CUBN: variants seen among roughly 807,000 people sequenced by gnomAD.
CUBN encodes the protein cubilin, also known as 460 kDa receptor.
A neutral mutation model predicts 405.3 loss-of-function variants in CUBN; 282 were observed. The observed-to-expected ratio is 0.70, with a 90% CI of 0.63 to 0.77. CUBN has a LOEUF of 0.77. Among genes scored for constraint, CUBN ranks in the 30% least tolerant of loss-of-function variants. CUBN has a pLI of 0.00. For missense variants in CUBN, 4,514 were observed against 4,475.2 expected, an observed-to-expected ratio of 1.01 and a Z score of -0.25; for synonymous variants, 1,684 against 1,617.0, an observed-to-expected ratio of 1.04 and a Z score of -0.99.
At chr10:16,902,777 G>A (rs1435252886) in intron 51 of CUBN, among the ~76,000 whole-genome samples, 1 of 152,198 alleles carries the variant, frequency 6.6e-6, no homozygotes, top group East Asian at 1.9e-4. Context: ...AAGTGAAAGA[G>A]TGAAGTCTGA....
chr10:17,111,945 T>C (rs1836780832), intron 8 of CUBN, among the ~76,000 whole-genome samples: 1 of 152,188 alleles, frequency 6.6e-6, no homozygotes. Context: ...TAAAATCATA[T>C]GGAGGATTGG....
intron 28 of CUBN, among the ~76,000 whole-genome samples, chr10:17,007,839 T>C (rs1239370958): frequency 2.6e-5 from 4 of 152,140 alleles, no homozygotes; most frequent in Non-Finnish European, 5.9e-5. Flanking sequence ...TCTGATATGT[T>C]ACACACACTC....
At chr10:16,890,614 C>T in intron 54 of CUBN, 87 bp from the exon 55 acceptor site, 1 of 1,256,530 alleles carries the variant, frequency 8.0e-7, no homozygotes, top group South Asian at 1.2e-5. Flanking sequence ...ATGGCACTCA[C>T]ACGTATACAG....
intron 56 of CUBN, among the ~76,000 whole-genome samples, chr10:16,885,602 T>C (rs77176023): frequency 0.025 from 3,821 of 151,072 alleles, 66 homozygotes; most frequent in Non-Finnish European, 0.04. Context: ...TCACTTTCCC[T>C]GTACTATACT....
Position 16,922,748 on chromosome 10 carries a change from C to A in CUBN, c.6646+2493G>T, listed in dbSNP as rs930281564. 2.9e-4 allele frequency among the ~76,000 whole-genome samples: 44 copies of A among 152,226 alleles called. 1 individual carries two copies. Among genetic ancestry groups the A allele is most frequent in the African/African-American group, 1.0e-3 (42 of 41,548 alleles). On this transcript the variant is annotated intron_variant, in intron 43 of 66. Coordinates refer to ENST00000377833, the MANE Select transcript of CUBN (RefSeq NM_001081.4). The stretch of plus-strand genomic sequence containing the variant: ...ATCACTGATGGGCAAATCTCTTCAT[C>A]CACTTCCCCTGGAACCCTCTCTGAT...
rs142560894 is a variant in CUBN at position 17,047,491 on chromosome 10, T to C, written c.3252A>G (p.Gln1084=). 7.3e-4 allele frequency: 1,172 copies of C among 1,613,942 alleles called. 1 individual carries two copies. The highest frequency in any genetic ancestry group is 8.8e-4 in the Non-Finnish European group (1,039 of 1,179,930). Residue 1084 remains glutamine (Q), a synonymous_variant, in exon 23 of 67, where the codon CAA becomes CAG. Coordinates refer to ENST00000377833, the MANE Select transcript of CUBN (RefSeq NM_001081.4). ...CIYRITVRTG[Q]LIAVHFTNFS... ...AGTTTGTGAAGTGCACTGCAATCAG[T>C]TGGCCAGTTCTCACTGTGATCCGAT...
intron 59 of CUBN, among the ~76,000 whole-genome samples, chr10:16,862,160 T>TCTCTCTCTCTCA (rs144560387): frequency 3.0e-5 from 4 of 131,206 alleles, no homozygotes; most frequent in African/African-American, 1.3e-4. Flanking sequence ...TCTCTCTCTC[T>TCTCTCTCTCTCA]CACACACACA....
chr10:17,019,971 G>C lies in CUBN; in HGVS notation c.4030C>G (p.Pro1344Ala). 6.2e-7 allele frequency: 1 copy of C among 1,614,080 alleles called. No homozygotes were observed. The highest frequency in any genetic ancestry group is 8.5e-7 in the Non-Finnish European group (1 of 1,179,956). Residue 1344 changes from proline (P) to alanine (A), a missense_variant, in exon 28 of 67, where the codon CCA becomes GCA. By Grantham distance (27) the Pro-to-Ala change is conservative. Coordinates refer to ENST00000377833, the MANE Select transcript of CUBN (RefSeq NM_001081.4). ...STDYLELYDG[P>A]RQMGRYCGVD... Reference sequence around the variant, plus strand: ...CCACAGTAGCGTCCCATCTGCCGTGGTCCATCATAGAGCTGAAATTGAAGA... The same window carrying C: ...CCACAGTAGCGTCCCATCTGCCGTGCTCCATCATAGAGCTGAAATTGAAGA...
Position 16,937,588 on chromosome 10 carries a change from A to T in CUBN, c.5926+4T>A, listed in dbSNP as rs1312050130. The stretch of plus-strand genomic sequence containing the variant: ...AAAAGAACTTCATTTATTACCAAAC[A>T]CACCTGGAGCAATGGTAGGTAAAAC... On this transcript the variant is annotated splice_donor_region_variant and intron_variant, in intron 39 of 66. Coordinates refer to ENST00000377833, the MANE Select transcript of CUBN (RefSeq NM_001081.4). 8 of 1,613,398 alleles carry T rather than the reference A, an allele frequency of 5.0e-6. No individual in the cohort carries two copies. The highest frequency in any genetic ancestry group is 6.8e-6 in the Non-Finnish European group (8 of 1,179,492).
intron 62 of CUBN, 113 bp from the exon 63 acceptor site, chr10:16,836,495 C>A: frequency 9.3e-7 from 1 of 1,069,704 alleles, no homozygotes; most frequent in Non-Finnish European, 1.4e-6. Flanking sequence ...CCATGGAAAC[C>A]AGCTCTGCTG....
intron 28 of CUBN, among the ~76,000 whole-genome samples, chr10:17,010,421 G>T (rs7898460): frequency 0.4 from 59,986 of 151,168 alleles, 12,145 homozygotes; most frequent in East Asian, 0.58. Context: ...CAGGAGGACT[G>T]CTTGAGCTCA....
intron 6 of CUBN, among the ~76,000 whole-genome samples, chr10:17,117,671 C>G (rs1315885245): frequency 6.6e-6 from 1 of 152,180 alleles, no homozygotes; most frequent in Non-Finnish European, 1.5e-5. Context: ...CTCAGGTGAT[C>G]TGCCCACCTC....
rs137998687 is a variant in CUBN at position 16,906,209 on chromosome 10, G to C, written c.7906C>G (p.Arg2636Gly). 1 of 1,611,440 alleles carries C rather than the reference G, an allele frequency of 6.2e-7. No individual in the cohort carries two copies. The highest frequency in any genetic ancestry group is 2.2e-5 in the East Asian group (1 of 44,862). ...ATTCTTAGATAGAACTCACCCACTCGAAACTCGAGGACATCAAATTGACAG... is the reference window on the plus strand; with the variant it reads ...ATTCTTAGATAGAACTCACCCACTCCAAACTCGAGGACATCAAATTGACAG... ...QDCQFDVLEF[R>G]VGDADGPLMW... Residue 2636 changes from arginine to glycine, a missense_variant, in exon 50 of 67, where the codon CGA becomes GGA. Transcript: ENST00000377833.
intron 43 of CUBN, 29 bp downstream of exon 43, chr10:16,925,212 C>G (rs1842148107): frequency 6.3e-7 from 1 of 1,576,868 alleles, no homozygotes; most frequent in Admixed American, 1.7e-5. Flanking sequence ...GCAGGAAAAG[C>G]AGATATAATT....
At chr10:16,841,238 T>G (rs1839338866) in intron 60 of CUBN, among the ~76,000 whole-genome samples, 191 bp from the exon 61 acceptor site, 1 of 152,206 alleles carries the variant, frequency 6.6e-6, no homozygotes. Context: ...AAACCTGTTA[T>G]GACGCCTAAC....
chr10:17,045,060 A>C lies in CUBN; in HGVS notation c.3619T>G (p.Phe1207Val). Residue 1207 changes from phenylalanine (F) to valine (V), a missense_variant, in exon 25 of 67, where the codon TTC (phenylalanine) becomes GTC (valine). By Grantham distance (50) the Phe-to-Val change is conservative. This residue lies in a region of CUBN where 242 missense variants were observed against 309.0 expected (regional missense o/e 0.78). Coordinates refer to ENST00000377833, the MANE Select transcript of CUBN (RefSeq NM_001081.4). ...SSHGSAFELEFKDFHLEHHPN... is the reference protein window; with the variant it reads ...SSHGSAFELEVKDFHLEHHPN... ...TGATGCTCCAAGTGAAAGTCTTTGAATTCCAGTTCAAATGCGCTGCCGTGG... is the reference window on the plus strand; with the variant it reads ...TGATGCTCCAAGTGAAAGTCTTTGACTTCCAGTTCAAATGCGCTGCCGTGG... 1 of 1,614,112 alleles carries C rather than the reference A, an allele frequency of 6.2e-7. No homozygotes were observed. The highest frequency in any genetic ancestry group is 8.5e-7 in the Non-Finnish European group (1 of 1,180,010).
intron 29 of CUBN, among the ~76,000 whole-genome samples, chr10:16,986,154 T>C (rs948013579): frequency 6.6e-6 from 1 of 152,178 alleles, no homozygotes; most frequent in African/African-American, 2.4e-5. Context: ...TTTCAAAGAG[T>C]TGGTATCTGA....
chr10:17,114,616 A>G (rs765991566), intron 7 of CUBN, among the ~76,000 whole-genome samples: 16 of 152,200 alleles, frequency 1.1e-4, no homozygotes, highest in Non-Finnish European at 4.4e-5. Context: ...ATTGGACGGG[A>G]ATTATTTTCC....
At chr10:16,875,961 A>T (rs532673031) in intron 57 of CUBN, among the ~76,000 whole-genome samples, 1 of 152,368 alleles carries the variant, frequency 6.6e-6, no homozygotes, top group African/African-American at 2.4e-5. Flanking sequence ...TGCTAGAGCC[A>T]ACAGAGCTAC....
Sources: allele counts gnomAD v4.1 joint callset (sites outside exome capture counted in the v4.1 genomes callset), GRCh38; gene constraint gnomAD v4.1.1; regional missense constraint gnomAD v4.1.1; transcripts MANE v1.5; gene names NCBI Gene and HGNC (gene_info 2026-07-23, HGNC 2026-07-21).